PTGFRN: variants seen among roughly 807,000 people sequenced by gnomAD.
The protein encoded by PTGFRN is prostaglandin F2 receptor inhibitor, also known as prostaglandin F2 receptor negative regulator.
PTGFRN carries 35 observed loss-of-function variants against 83.2 expected under a neutral mutation model. The ratio of observed to expected loss-of-function variants is 0.42; its 90% CI spans 0.32 to 0.56. The LOEUF (loss-of-function observed/expected upper bound fraction) is 0.56, where lower values mean the gene tolerates loss of function less well. PTGFRN is among the 20% of genes least tolerant of loss of function. PTGFRN has a pLI of 0.11. For synonymous variants in PTGFRN, 519 were observed against 498.6 expected, an observed-to-expected ratio of 1.04 and a Z score of -0.55; for missense variants, 1,051 against 1,179.5, an observed-to-expected ratio of 0.89 and a Z score of 1.60.
chr1:116,956,640 C>T (rs1003383784), intron 4 of PTGFRN, among the ~76,000 whole-genome samples: 1 of 152,158 alleles, frequency 6.6e-6, no homozygotes, highest in Non-Finnish European at 1.5e-5. Context: ...GTGGGTGCTG[C>T]GGCTGGGTGC....
intron 6 of PTGFRN, among the ~76,000 whole-genome samples, chr1:116,968,620 G>A (rs1650907178): frequency 6.6e-6 from 1 of 152,036 alleles, no homozygotes; most frequent in Non-Finnish European, 1.5e-5. Context: ...TATATTCACA[G>A]AGTTGTGCAA....
Position 116,941,057 on chromosome 1 carries a change from C to G in PTGFRN, c.50-658C>G, listed in dbSNP as rs1650046463. Among the ~76,000 whole-genome samples the G allele has an allele frequency of 6.6e-6, 1 of 152,212 alleles. No homozygotes were observed. The highest frequency in any genetic ancestry group is 1.9e-4 in the East Asian group (1 of 5,202). ...ATTCCTAAGAACACCCAGCAACCAA[C>G]CTGCCTCTCTCCCTTTGTGCTTCCA... On this transcript the variant is annotated intron_variant, in intron 1 of 8. Transcript: ENST00000393203. This position sits in a 1 kb window ranked among gnomAD's most constrained non-coding sequence, Gnocchi z 5.0.
At chr1:116,919,530 C>T (rs2250882) in intron 1 of PTGFRN, among the ~76,000 whole-genome samples, 25,612 of 152,074 alleles carry the variant, frequency 0.17, 4,482 homozygotes, top group African/African-American at 0.45. Context: ...CCCCAGCAGC[C>T]GGAACCAGCT....
chr1:116,946,809 G>A (rs975655631), intron 3 of PTGFRN, among the ~76,000 whole-genome samples: 4 of 152,190 alleles, frequency 2.6e-5, no homozygotes, highest in Admixed American at 2.0e-4. Context: ...CAAAATACTT[G>A]TAAAGCAAAT....
intron 1 of PTGFRN, among the ~76,000 whole-genome samples, chr1:116,915,686 A>G (rs1439742917): frequency 6.6e-6 from 1 of 152,058 alleles, no homozygotes; most frequent in African/African-American, 2.4e-5. Flanking sequence ...TTGAATGTAC[A>G]TTTTCATATT....
chr1:116,925,161 C>T (rs1557958798), intron 1 of PTGFRN, among the ~76,000 whole-genome samples: 1 of 152,182 alleles, frequency 6.6e-6, no homozygotes, highest in Non-Finnish European at 1.5e-5. Context: ...GTCGCAGTGG[C>T]TTACACCTGT....
At chr1:116,959,984 G>A (rs1650602533) in intron 4 of PTGFRN, among the ~76,000 whole-genome samples, 1 of 151,932 alleles carries the variant, frequency 6.6e-6, no homozygotes, top group Non-Finnish European at 1.5e-5. Context: ...AACAAAAGAA[G>A]AAGAAGAAGA....
At position 116,941,916 on chromosome 1, in the gene PTGFRN, A is replaced by G; in HGVS notation, c.251A>G (p.Gln84Arg). The change falls in exon 2 of 9, where the codon CAG becomes CGG. Residue 84 changes from glutamine (Q) to arginine (R), a missense_variant. By Grantham distance (43) the Gln-to-Arg change is conservative. This residue lies in a region of PTGFRN where 127 missense variants were observed against 168.4 expected (regional missense o/e 0.75). Transcript: ENST00000393203. This position sits in a 1 kb window ranked among gnomAD's most constrained non-coding sequence, Gnocchi z 5.0. The stretch of plus-strand genomic sequence containing the variant: ...GTGGGGTTCCCAGCCCAGCTGTACC[A>G]GGAGCGGCTGCAGAGGGGCGAGATC... ...WEVGFPAQLY[Q>R]ERLQRGEILL... 1 of 1,614,198 alleles carries G rather than the reference A, an allele frequency of 6.2e-7. No homozygotes were observed. Among genetic ancestry groups the G allele is most frequent in the Non-Finnish European group, 8.5e-7 (1 of 1,180,030 alleles).
chr1:116,985,053 A>G (rs1651425486), intron 8 of PTGFRN, 68 bp downstream of exon 8: 1 of 1,519,234 alleles, frequency 6.6e-7, no homozygotes, highest in Admixed American at 1.8e-5. Flanking sequence ...TGTAGCTGAC[A>G]GAACCCAGGT....
intron 1 of PTGFRN, among the ~76,000 whole-genome samples, chr1:116,935,059 C>T (rs1649887738): frequency 6.6e-6 from 1 of 152,154 alleles, no homozygotes; most frequent in South Asian, 2.1e-4. Context: ...ACCTTTAGCC[C>T]CCTAGTGTTT....
chr1:116,960,364 G>A (rs1186863056), intron 4 of PTGFRN, among the ~76,000 whole-genome samples: 2 of 152,198 alleles, frequency 1.3e-5, no homozygotes, highest in African/African-American at 4.8e-5. Flanking sequence ...AGGTATGGAG[G>A]AAGCCTTGGG....
Position 116,987,077 on chromosome 1 carries a change from AATCTCAGGTGGGACT to A in PTGFRN, c.*111_*125del. 2 of 1,319,378 alleles carry A rather than the reference AATCTCAGGTGGGACT, an allele frequency of 1.5e-6. No individual in the cohort carries two copies. Among genetic ancestry groups the A allele is most frequent in the Non-Finnish European group, 2.1e-6 (2 of 954,506 alleles). 81.7% of individuals were successfully genotyped at this position (1,319,378 alleles called of 1,614,324 possible). A position where few individuals can be genotyped will look rare whatever the true frequency, so the allele number is the denominator to read the frequency against. On this transcript the variant is annotated 3_prime_UTR_variant, in exon 9 of 9. Coordinates refer to ENST00000393203, the MANE Select transcript of PTGFRN (RefSeq NM_020440.4). ...GTTACACTAAAAACCAGTCCTCTCT[AATCTCAGGTGGGACT>A]TGGCGCTCTCTCTTTTCTGCATGTC...
rs1277575117 is a variant in PTGFRN at position 116,961,509 on chromosome 1, C to T, written c.1480C>T (p.His494Tyr). ...TGGAGACTTTATTTTTTCTAAGGAA[C>T]ATACAGACACGTTCAATTTCCGGAT... ...QDGDFIFSKE[H>Y]TDTFNFRIQR... The change falls in exon 5 of 9, where the codon CAT (histidine) becomes TAT (tyrosine). Residue 494 changes from histidine (H) to tyrosine (Y), a missense_variant. His to Tyr is a moderately conservative substitution (Grantham distance 83). Transcript: ENST00000393203. The surrounding 1 kb of genome is among the most constrained non-coding windows in gnomAD (Gnocchi z 5.4). 1.9e-6 allele frequency: 3 copies of T among 1,614,142 alleles called. No individual in the cohort carries two copies. Among genetic ancestry groups the T allele is most frequent in the African/African-American group, 1.3e-5 (1 of 75,028 alleles).
chr1:116,981,148 T>C (rs1651307558), intron 7 of PTGFRN, among the ~76,000 whole-genome samples: 1 of 152,158 alleles, frequency 6.6e-6, no homozygotes, highest in South Asian at 2.1e-4. Flanking sequence ...CCAGTTGATG[T>C]CCCTCTCTCA....
At chr1:116,919,612 C>CTGT (rs1649491746) in intron 1 of PTGFRN, among the ~76,000 whole-genome samples, 2 of 152,286 alleles carry the variant, frequency 1.3e-5, no homozygotes, top group African/African-American at 4.8e-5. Context: ...GTTGTTACCC[C>CTGT]TGTTTAATAG....
intron 1 of PTGFRN, among the ~76,000 whole-genome samples, chr1:116,930,252 C>T (rs1649759808): frequency 6.6e-6 from 1 of 152,222 alleles, no homozygotes; most frequent in South Asian, 2.1e-4. Flanking sequence ...GCTGCTAGGG[C>T]ATAAGCCTTT....
At chr1:116,980,663 C>A (rs1012694201) in intron 7 of PTGFRN, among the ~76,000 whole-genome samples, 1 of 152,156 alleles carries the variant, frequency 6.6e-6, no homozygotes, top group Non-Finnish European at 1.5e-5. Flanking sequence ...AATGAGAACA[C>A]TTGGACACAG....
At chr1:116,921,113 T>C (rs765689560) in intron 1 of PTGFRN, among the ~76,000 whole-genome samples, 23 of 152,252 alleles carry the variant, frequency 1.5e-4, no homozygotes, top group Non-Finnish European at 2.8e-4. Context: ...AAGAAACTTA[T>C]GTGTATGAGC....
rs548001483 is a variant in PTGFRN at position 116,967,397 on chromosome 1, C to T, written c.2059+67C>T. ...AGACCCTAGGGTTTTGATCAGATGC[C>T]CTCATTTTTTAAAACAGCTTTGTTA... On this transcript the variant is annotated intron_variant, in intron 6 of 8. Coordinates refer to ENST00000393203, the MANE Select transcript of PTGFRN (RefSeq NM_020440.4). 5.4e-6 allele frequency: 8 copies of T among 1,476,988 alleles called. No homozygotes were observed. The South Asian group carries it at 8.0e-5, about 15-fold the overall frequency. The allele number at this position is 1,476,988 out of a possible 1,614,324, so 91.5% of individuals were successfully genotyped here. A position where few individuals can be genotyped will look rare whatever the true frequency, so the allele number is the denominator to read the frequency against.
Sources: allele counts gnomAD v4.1 joint callset (sites outside exome capture counted in the v4.1 genomes callset), GRCh38; gene constraint gnomAD v4.1.1; regional missense constraint gnomAD v4.1.1; non-coding constraint Gnocchi (gnomAD v3.1); transcripts MANE v1.5; gene names NCBI Gene and HGNC (gene_info 2026-07-23, HGNC 2026-07-21).